The following RIPOR2 variants were observed in gnomAD, a reference collection of about 807,000 sequenced individuals.
The protein encoded by RIPOR2 is RHO family interacting cell polarization regulator 2, also known as rho family-interacting cell polarization regulator 2.
Under a neutral mutation model 114.5 loss-of-function variants are expected in RIPOR2, and 39 were observed. The observed-to-expected ratio is 0.34, with a 90% confidence interval of 0.26 to 0.44. The LOEUF (loss-of-function observed/expected upper bound fraction) is 0.44, where lower values mean the gene tolerates loss of function less well. RIPOR2 is among the 20% of genes least tolerant of loss of function. RIPOR2 has a pLI of 1.00. For synonymous variants in RIPOR2, 445 were observed against 484.4 expected, an observed-to-expected ratio of 0.92 and a Z score of 1.07; for missense variants, 1,007 against 1,255.1, an observed-to-expected ratio of 0.80 and a Z score of 2.99.
At chr6:25,014,789 A>T (rs542658068) in intron 1 of RIPOR2, among the ~76,000 whole-genome samples, 44 of 152,328 alleles carry the variant, frequency 2.9e-4, no homozygotes, top group African/African-American at 1.1e-3. Flanking sequence ...ACATGGCACA[A>T]ATTATTATGA....
At chr6:24,852,365 G>A (rs917579301) in intron 9 of RIPOR2, among the ~76,000 whole-genome samples, 2 of 152,044 alleles carry the variant, frequency 1.3e-5, no homozygotes, top group Non-Finnish European at 2.9e-5. Context: ...CAGAGCAAAT[G>A]TGGCATAATG....
chr6:25,002,520 G>T (rs1775366842), intron 1 of RIPOR2, among the ~76,000 whole-genome samples: 1 of 152,206 alleles, frequency 6.6e-6, no homozygotes, highest in Admixed American at 6.5e-5. Flanking sequence ...TCAAGAAGTG[G>T]AAGCTTTTTT....
intron 1 of RIPOR2, among the ~76,000 whole-genome samples, chr6:24,895,674 G>A (rs1210362096): frequency 6.6e-6 from 1 of 152,170 alleles, no homozygotes; most frequent in African/African-American, 2.4e-5. Context: ...ACAAGGAATG[G>A]TTCTGGGAAT....
At chr6:24,968,894 T>C (rs1773651721) in intron 1 of RIPOR2, among the ~76,000 whole-genome samples, 1 of 152,204 alleles carries the variant, frequency 6.6e-6, no homozygotes, top group Non-Finnish European at 1.5e-5. Flanking sequence ...ATGTTGCTGG[T>C]TGCCTGACCT....
rs61555802 is a variant in RIPOR2, at chr6:24,834,085, GA to G, written c.2208+1617del. Among the ~76,000 whole-genome samples the G allele has an allele frequency of 2.5e-3, 353 of 143,900 alleles. 1 individual carries two copies. The highest frequency in any genetic ancestry group is 6.4e-3 in the African/African-American group (252 of 39,546). The allele number at this position is 143,900 out of a possible 152,430, so 94.4% of individuals were successfully genotyped here. A position where few individuals can be genotyped will look rare whatever the true frequency, so the allele number is the denominator to read the frequency against. ...TAAAAATCCCTGTCTGTTTTGATCA[GA>G]AAAAAAAAAAACTGCACATTCTACC... On this transcript the variant is annotated intron_variant, in intron 15 of 21. Coordinates refer to ENST00000643898, the MANE Select transcript of RIPOR2 (RefSeq NM_001286445.3).
intron 12 of RIPOR2, among the ~76,000 whole-genome samples, chr6:24,846,428 C>T (rs1360218393): frequency 1.3e-5 from 2 of 150,296 alleles, no homozygotes. Flanking sequence ...GCTTCAGTCT[C>T]CTGGGTAGTT....
intron 17 of RIPOR2, 119 bp downstream of exon 17, chr6:24,830,390 C>T (rs1307441294): frequency 1.3e-6 from 1 of 752,558 alleles, no homozygotes; most frequent in East Asian, 2.7e-5. Flanking sequence ...CAGGGATGGC[C>T]TTTTGTGTGT....
At chr6:24,875,966 G>A (rs1457792458) in intron 1 of RIPOR2, 149 bp from the exon 2 acceptor site, 9 of 726,626 alleles carry the variant, frequency 1.2e-5, no homozygotes, top group African/African-American at 1.1e-4. Flanking sequence ...TCCTGAAGAC[G>A]AAGGGTTCAA....
chr6:24,979,283 C>CTT (rs60372040), intron 1 of RIPOR2, among the ~76,000 whole-genome samples: 162 of 99,396 alleles, frequency 1.6e-3, no homozygotes, highest in African/African-American at 4.2e-3. Flanking sequence ...TAGGGAAATT[C>CTT]TTTTTTTTTT....
chr6:24,877,877 G>A (rs541581749), intron 1 of RIPOR2, among the ~76,000 whole-genome samples: 2 of 152,234 alleles, frequency 1.3e-5, no homozygotes, highest in East Asian at 1.9e-4. Context: ...GTAGGGGTAT[G>A]AGCCACAGTG....
At chr6:24,823,836 A>G (rs1759912492) in intron 19 of RIPOR2, among the ~76,000 whole-genome samples, 1 of 152,084 alleles carries the variant, frequency 6.6e-6, no homozygotes, top group African/African-American at 2.4e-5. Context: ...GGCTCACTGC[A>G]GCCTCCACCT....
At chr6:25,023,343 C>A (rs1326036303) in intron 1 of RIPOR2, 5 of 790,980 alleles carry the variant, frequency 6.3e-6, no homozygotes, top group Admixed American at 1.7e-5. Flanking sequence ...TCAATTGGCT[C>A]ATAATCACCC....
intron 5 of RIPOR2, among the ~76,000 whole-genome samples, chr6:24,870,501 G>A (rs999435063): frequency 6.6e-6 from 1 of 152,128 alleles, no homozygotes; most frequent in Non-Finnish European, 1.5e-5. Flanking sequence ...TCTCAAAGAT[G>A]CAGAGTTTTG....
intron 1 of RIPOR2, among the ~76,000 whole-genome samples, chr6:24,902,318 G>T (rs1376531031): frequency 6.6e-6 from 1 of 151,668 alleles, no homozygotes; most frequent in Non-Finnish European, 1.5e-5. Flanking sequence ...GGGTTCAAGT[G>T]ATTCTCCTGC....
At chr6:25,023,677 G>A (rs539315028) in intron 1 of RIPOR2, 2 of 762,738 alleles carry the variant, frequency 2.6e-6, no homozygotes, top group Admixed American at 3.4e-5. Flanking sequence ...TTCCAGTGAA[G>A]CGGTTCTCCA....
Position 24,865,454 on chromosome 6 carries a change from C to T in RIPOR2, c.502-4G>A. On this transcript the variant is annotated splice_polypyrimidine_tract_variant and splice_region_variant and intron_variant, in intron 6 of 21. Coordinates refer to ENST00000643898, the MANE Select transcript of RIPOR2 (RefSeq NM_001286445.3). Reference sequence around the variant, plus strand: ...AAGCTTCATAGAGTTCATCTACCTGCCAGAATCAAAACAGGAAACAGAAAT... The same window carrying T: ...AAGCTTCATAGAGTTCATCTACCTGTCAGAATCAAAACAGGAAACAGAAAT... 1.3e-6 allele frequency: 2 copies of T among 1,596,316 alleles called. No homozygotes were observed. The highest frequency in any genetic ancestry group is 1.7e-6 in the Non-Finnish European group (2 of 1,169,476).
At chr6:25,041,266 A>T (rs1233658887) in intron 1 of RIPOR2, among the ~76,000 whole-genome samples, 1 of 152,224 alleles carries the variant, frequency 6.6e-6, no homozygotes, top group African/African-American at 2.4e-5. Context: ...TGTTCATGAG[A>T]AATGGTCTTG....
chr6:24,824,880 A>T (rs1445409374), intron 19 of RIPOR2, among the ~76,000 whole-genome samples: 1 of 152,246 alleles, frequency 6.6e-6, no homozygotes. Flanking sequence ...AATATAATGA[A>T]GTAGATCAAT....
intron 1 of RIPOR2, among the ~76,000 whole-genome samples, chr6:24,959,580 T>C (rs958576160): frequency 6.6e-6 from 1 of 152,200 alleles, no homozygotes; most frequent in Non-Finnish European, 1.5e-5. Context: ...GGACTCTCTC[T>C]CTCCTTGATT....
Sources: allele counts gnomAD v4.1 joint callset (sites outside exome capture counted in the v4.1 genomes callset), GRCh38; gene constraint gnomAD v4.1.1; transcripts MANE v1.5; gene names NCBI Gene and HGNC (gene_info 2026-07-23, HGNC 2026-07-21).